The following CEMIP variants were observed in gnomAD, a reference collection of about 807,000 sequenced individuals.
CEMIP encodes the protein cell migration-inducing and hyaluronan-binding protein.
CEMIP carries 105 observed loss-of-function variants against 156.9 expected under a neutral mutation model. The ratio of observed to expected loss-of-function variants is 0.67; its 90% confidence interval spans 0.57 to 0.79. CEMIP has a LOEUF of 0.79. CEMIP is among the 30% of genes least tolerant of loss of function. The probability of loss-of-function intolerance (pLI) is 0.00; values close to 1 mark genes in which losing one functional copy is unlikely to be tolerated. For missense variants in CEMIP, 1,457 were observed against 1,769.4 expected (o/e 0.82, Z 3.17); for synonymous variants, 676 against 668.4 (o/e 1.01, Z -0.17).
chr15:80,894,958 ACTTTG>A (rs1899162526), intron 10 of CEMIP, 27 bp from the exon 11 acceptor site: 1 of 1,613,050 alleles, frequency 6.2e-7, no homozygotes, highest in Admixed American at 1.7e-5. Context: ...AAAAAAAACG[ACTTTG>A]CTCTGTAATT....
chr15:80,787,140 T>C (rs538528931), intron 1 of CEMIP, among the ~76,000 whole-genome samples: 12 of 152,336 alleles, frequency 7.9e-5, no homozygotes, highest in Admixed American at 4.6e-4. Context: ...ATGCCCTGAA[T>C]GGGATAACAC....
At chr15:80,835,637 T>C (rs2141689982) in intron 1 of CEMIP, among the ~76,000 whole-genome samples, 1 of 152,348 alleles carries the variant, frequency 6.6e-6, no homozygotes, top group South Asian at 2.1e-4. Flanking sequence ...TGGAAACAGA[T>C]ATTATTTTGT....
At chr15:80,912,626 G>C (rs1256416963) in intron 14 of CEMIP, among the ~76,000 whole-genome samples, 1 of 152,178 alleles carries the variant, frequency 6.6e-6, no homozygotes, top group Non-Finnish European at 1.5e-5. Context: ...AGACAGCAGG[G>C]TAATGGAGCA....
At chr15:80,926,250 C>T (rs572525028) in intron 19 of CEMIP, among the ~76,000 whole-genome samples, 1 of 152,324 alleles carries the variant, frequency 6.6e-6, no homozygotes, top group African/African-American at 2.4e-5. Flanking sequence ...AGCCACAGTT[C>T]ACTGGACTCC....
intron 5 of CEMIP, 63 bp downstream of exon 5, chr15:80,879,917 A>T (rs1167458373): frequency 1.3e-6 from 2 of 1,599,078 alleles, no homozygotes; most frequent in East Asian, 4.5e-5. Flanking sequence ...GAGACTTTCC[A>T]AGACAGAGAG....
rs150266174 is a variant in CEMIP, at chr15:80,884,581, C to T, written c.797+227C>T. Among the ~76,000 whole-genome samples, 300 of 152,358 alleles carry T rather than the reference C, an allele frequency of 2.0e-3. 1 individual carries two copies. The highest frequency in any genetic ancestry group is 6.1e-3 in the African/African-American group (255 of 41,578). On this transcript the variant is annotated intron_variant, in intron 7 of 29. Transcript: ENST00000394685. ...ATAGTTCACTCAAAACAAACAAAAG[C>T]TCGCTGTTTATATGAACTCATTCAT...
At chr15:80,863,810 CAGCCACT>C (rs1898047223) in intron 1 of CEMIP, among the ~76,000 whole-genome samples, 1 of 152,158 alleles carries the variant, frequency 6.6e-6, no homozygotes, top group Admixed American at 6.5e-5. Context: ...TCCTCTTTCA[CAGCCACT>C]AGCCCAGCAG....
intron 10 of CEMIP, among the ~76,000 whole-genome samples, chr15:80,891,483 T>G (rs1899030836): frequency 6.6e-6 from 1 of 152,220 alleles, no homozygotes. Flanking sequence ...TGGCAATACA[T>G]TCCCCAAATT....
Position 80,827,708 on chromosome 15 carries a change from T to C in CEMIP, c.-175-45830T>C, listed in dbSNP as rs76484647. 5.3e-5 allele frequency among the ~76,000 whole-genome samples: 8 copies of C among 152,326 alleles called. No homozygotes were observed. The East Asian group carries it at 1.2e-3, about 22-fold the overall frequency. Reference sequence around the variant, plus strand: ...TATATTAGGAAACATATTCCTTTGCTACTGAGAATTAGGAAAGGATGCATC... The same window carrying C: ...TATATTAGGAAACATATTCCTTTGCCACTGAGAATTAGGAAAGGATGCATC... On this transcript the variant is annotated intron_variant, in intron 1 of 29. Coordinates refer to ENST00000394685, the MANE Select transcript of CEMIP (RefSeq NM_001293298.2).
chr15:80,836,323 G>A (rs1897269679), intron 1 of CEMIP, among the ~76,000 whole-genome samples: 1 of 152,198 alleles, frequency 6.6e-6, no homozygotes, highest in South Asian at 2.1e-4. Context: ...GGAGGACAGT[G>A]TTCCGAAGGG....
chr15:80,875,497 A>T (rs770866080), intron 3 of CEMIP, among the ~76,000 whole-genome samples: 5 of 152,160 alleles, frequency 3.3e-5, no homozygotes, highest in Non-Finnish European at 7.4e-5. Flanking sequence ...CCTAAAAGTG[A>T]TCCACCTTGG....
In CEMIP at chr15:80,895,118, G is replaced by A. The variant is rs1256375625; in HGVS notation, c.1215G>A (p.Lys405=). The A allele has an allele frequency of 6.2e-7, 1 of 1,614,094 alleles. No individual in the cohort carries two copies. The highest frequency in any genetic ancestry group is 8.5e-7 in the Non-Finnish European group (1 of 1,180,038). Reference sequence around the variant, plus strand: ...ACCGTGTACGGTTCCTCTGTGGGAAGCCTGGTAAGCAGCCCCTTGTCGGGG... The same window carrying A: ...ACCGTGTACGGTTCCTCTGTGGGAAACCTGGTAAGCAGCCCCTTGTCGGGG... ...RSYRVRFLCG[K]PVRPKLTVTI... The change falls in exon 11 of 30, where the codon AAG becomes AAA. Residue 405 remains lysine, a synonymous_variant. Coordinates refer to ENST00000394685, the MANE Select transcript of CEMIP (RefSeq NM_001293298.2).
intron 25 of CEMIP, 196 bp downstream of exon 25, chr15:80,938,175 T>C: frequency 1.7e-6 from 1 of 578,022 alleles, no homozygotes; most frequent in African/African-American, 1.9e-5. Flanking sequence ...AAAAGTAAAA[T>C]AAACACCCTA....
chr15:80,901,617 G>C (rs181775276), intron 12 of CEMIP, among the ~76,000 whole-genome samples: 23 of 151,756 alleles, frequency 1.5e-4, no homozygotes, highest in Admixed American at 1.3e-3. Flanking sequence ...CAGGAGAATC[G>C]CTTGAACCTT....
Position 80,948,779 on chromosome 15 carries a change from CTCA to C in CEMIP, c.3959-13_3959-11del. ...TCTCATAGGGCTTTTGCTCAGGAGA[CTCA>C]TCATTGCTTTTCAGAGCAAATGGCA... On this transcript the variant is annotated splice_polypyrimidine_tract_variant and intron_variant, in intron 29 of 29. Coordinates refer to ENST00000394685, the MANE Select transcript of CEMIP (RefSeq NM_001293298.2). 5 of 1,614,026 alleles carry C rather than the reference CTCA, an allele frequency of 3.1e-6. No individual in the cohort carries two copies. The South Asian group carries it at 4.4e-5, about 14-fold the overall frequency.
chr15:80,860,007 TCATACA>T (rs1386890602), intron 1 of CEMIP, among the ~76,000 whole-genome samples: 5 of 152,012 alleles, frequency 3.3e-5, no homozygotes, highest in African/African-American at 1.2e-4. Context: ...TGTCTCCCAC[TCATACA>T]CAGGCACACA....
At chr15:80,893,945 T>A (rs1037890765) in intron 10 of CEMIP, among the ~76,000 whole-genome samples, 1 of 152,082 alleles carries the variant, frequency 6.6e-6, no homozygotes, top group African/African-American at 2.4e-5. Context: ...CTAAATTGCA[T>A]GTCTTTGAAT....
In CEMIP at chr15:80,906,344, A is replaced by T. The variant is rs1046000623; in HGVS notation, c.1412-319A>T. ...AACTACAGGGAGGCTGAGAAATGTCATTCCCTTGGGTGGCCCTGTGTCCAG... is the reference window on the plus strand; with the variant it reads ...AACTACAGGGAGGCTGAGAAATGTCTTTCCCTTGGGTGGCCCTGTGTCCAG... On this transcript the variant is annotated intron_variant, in intron 12 of 29. Coordinates refer to ENST00000394685, the MANE Select transcript of CEMIP (RefSeq NM_001293298.2). The surrounding 1 kb of genome is among the most constrained non-coding windows in gnomAD (Gnocchi z 4.3). Among the ~76,000 whole-genome samples the T allele has an allele frequency of 1.3e-5, 2 of 152,206 alleles. No homozygotes were observed. Among genetic ancestry groups the T allele is most frequent in the African/African-American group, 4.8e-5 (2 of 41,446 alleles).
Position 80,938,794 on chromosome 15 carries a change from C to T in CEMIP, c.3407+815C>T, listed in dbSNP as rs539149444. On this transcript the variant is annotated intron_variant, in intron 25 of 29. Transcript: ENST00000394685. The stretch of plus-strand genomic sequence containing the variant: ...TTCTGGGAGTTCTTTGATCCCCTCT[C>T]TTAAAAAGAAATTTCGTCTAATGTC... Among the ~76,000 whole-genome samples the T allele has an allele frequency of 7.9e-5, 12 of 152,146 alleles. No homozygotes were observed. The East Asian group carries it at 2.3e-3, about 29-fold the overall frequency.
Sources: gnomAD v4.1 joint callset for allele counts (sites outside exome capture counted in the v4.1 genomes callset) on GRCh38, gnomAD v4.1.1 for gene constraint, Gnocchi (gnomAD v3.1) non-coding constraint, MANE v1.5 for transcripts, NCBI Gene and HGNC (gene_info 2026-07-23, HGNC 2026-07-21) for gene names.